The following EPB42 variants were observed in gnomAD, a reference collection of about 807,000 sequenced individuals.
EPB42 encodes the protein erythrocyte membrane protein band 4.2, also known as protein 4.2.
A neutral mutation model predicts 76.9 loss-of-function variants in EPB42; 49 were observed. The observed-to-expected ratio is 0.64, with a 90% CI of 0.51 to 0.81. EPB42 has a LOEUF of 0.81. Ranked by LOEUF, EPB42 falls within the 30% of genes least tolerant of loss-of-function variation. The pLI, the probability that EPB42 is intolerant of heterozygous loss-of-function variation, is 0.00. For missense variants in EPB42, 731 were observed against 867.6 expected (o/e 0.84, Z 1.98); for synonymous variants, 310 against 338.4 (o/e 0.92, Z 0.92).
Position 43,208,787 on chromosome 15 carries a change from G to C in EPB42, c.833-12C>G, listed in dbSNP as rs749595841. 1.2e-6 allele frequency: 2 copies of C among 1,613,462 alleles called. No homozygotes were observed. The highest frequency in any genetic ancestry group is 1.1e-5 in the South Asian group (1 of 91,054). ...CAGGCATCGCAGCACTGTGAGAAGA[G>C]GGGCGGAGTGTCAGGGGGCGCTTGA... On this transcript the variant is annotated splice_polypyrimidine_tract_variant and intron_variant, in intron 6 of 12. Coordinates refer to ENST00000441366, the MANE Select transcript of EPB42 (RefSeq NM_001114134.2).
At chr15:43,214,893 C>G (rs1399475569) in intron 3 of EPB42, among the ~76,000 whole-genome samples, 1 of 152,192 alleles carries the variant, frequency 6.6e-6, no homozygotes, top group African/African-American at 2.4e-5. Context: ...CCTGCTTCTC[C>G]CAGGGGTGAC....
At position 43,208,235 on chromosome 15, in the gene EPB42, C is replaced by A. The variant is rs754039098; in HGVS notation, c.1070G>T (p.Gly357Val). ...GACCCACCCCTAGGCTTTACCTCCACCTCCATTAGGAGCACTTGGGTGCAG... is the reference window on the plus strand; with the variant it reads ...GACCCACCCCTAGGCTTTACCTCCAACTCCATTAGGAGCACTTGGGTGCAG... ...QILHPSAPNG[G>V]GVLGSCDLVP... Residue 357 changes from glycine to valine, a missense_variant, in exon 8 of 13, where the codon GGT becomes GTT. Transcript: ENST00000441366. The A allele has an allele frequency of 1.2e-6, 2 of 1,613,986 alleles. No individual in the cohort carries two copies. The highest frequency in any genetic ancestry group is 4.5e-5 in the East Asian group (2 of 44,882).
chr15:43,208,736 G>A lies in EPB42; in HGVS notation c.872C>T (p.Thr291Met), dbSNP rs753777245. Residue 291 changes from threonine to methionine, a missense_variant, in exon 7 of 13, where the codon ACG becomes ATG. Transcript: ENST00000441366. ...CLGIPARVVT[T>M]FASAQGTGGR... ...ACCGGTGCCCTGTGCTGAGGCAAAC[G>A]TGGTCACCACGCGGGCAGGGATTCC... 1.6e-5 allele frequency: 26 copies of A among 1,614,044 alleles called. No individual in the cohort carries two copies. The highest frequency in any genetic ancestry group is 3.3e-5 in the South Asian group (3 of 91,080).
rs772330879 is a variant in EPB42 at position 43,209,274 on chromosome 15, C to G, written c.832G>C (p.Val278Leu). ...AWVLAAVACTVLRCLGIPARV... is the reference protein window; with the variant it reads ...AWVLAAVACTLLRCLGIPARV... ...CTCTACAGGAGACAAGGGGACCAAC[C>G]TGTGCAAGCAACAGCAGCCAACACC... The change falls in exon 6 of 13, where the codon GTG becomes CTG. Residue 278 changes from valine (V) to leucine (L), a missense_variant and splice_region_variant. Val to Leu is a conservative substitution (Grantham distance 32). Transcript: ENST00000441366. The G allele has an allele frequency of 3.7e-6, 6 of 1,613,976 alleles. No homozygotes were observed. Among genetic ancestry groups the G allele is most frequent in the Non-Finnish European group, 5.1e-6 (6 of 1,180,018 alleles).
chr15:43,225,667 T>C (rs2042501704), upstream of EPB42, among the ~76,000 whole-genome samples: 1 of 152,118 alleles, frequency 6.6e-6, no homozygotes, highest in Non-Finnish European at 1.5e-5. Flanking sequence ...CAATACTAAG[T>C]GCGTACACCA....
intron 3 of EPB42, among the ~76,000 whole-genome samples, chr15:43,214,570 G>A (rs2042348414): frequency 6.6e-6 from 1 of 152,198 alleles, no homozygotes; most frequent in South Asian, 2.1e-4. Flanking sequence ...GCCCTGGTCG[G>A]CCGGGGAGCC....
chr15:43,204,320 G>A (rs112164945), intron 10 of EPB42, among the ~76,000 whole-genome samples: 2,049 of 151,688 alleles, frequency 0.014, 38 homozygotes, highest in African/African-American at 0.047. Flanking sequence ...TCCTCTGATC[G>A]CCCCCTAAAT....
At chr15:43,221,829 A>AG (rs1459528159), upstream of EPB42, among the ~76,000 whole-genome samples, 1 of 149,016 alleles carries the variant, frequency 6.7e-6, no homozygotes, top group African/African-American at 2.4e-5. Flanking sequence ...TGTAAAAAAA[A>AG]AAAAAAAAAA....
Position 43,216,462 on chromosome 15 carries a change from G to C in EPB42, c.11-9C>G. 6.2e-7 allele frequency: 1 copy of C among 1,613,934 alleles called. No individual in the cohort carries two copies. Among genetic ancestry groups the C allele is most frequent in the Non-Finnish European group, 8.5e-7 (1 of 1,180,004 alleles). On this transcript the variant is annotated splice_polypyrimidine_tract_variant and intron_variant, in intron 1 of 12. Transcript: ENST00000441366. ...GCTCTTGATACCCAGGGCTGTTGTG[G>C]GAAAGAGAGAAGTCACGGAAACTAA...
rs1047655346 is a variant in EPB42 at position 43,211,631 on chromosome 15, G to A, written c.431-97C>T. Reference sequence around the variant, plus strand: ...CTCCCTGCCGAGATTAGGTTTGGCTGCAGGCCACCCCGTCAGCTCTGGGCC... The same window carrying A: ...CTCCCTGCCGAGATTAGGTTTGGCTACAGGCCACCCCGTCAGCTCTGGGCC... On this transcript the variant is annotated intron_variant, in intron 3 of 12. Transcript: ENST00000441366. 20 of 851,982 alleles carry A rather than the reference G, an allele frequency of 2.3e-5. No individual in the cohort carries two copies. The South Asian group carries it at 2.4e-4, about 10-fold the overall frequency. The allele number at this position is 851,982 out of a possible 1,614,324, so 52.8% of individuals were successfully genotyped here.
chr15:43,211,721 G>A (rs1243065277), intron 3 of EPB42, among the ~76,000 whole-genome samples, 187 bp from the exon 4 acceptor site: 1 of 152,174 alleles, frequency 6.6e-6, no homozygotes, highest in Non-Finnish European at 1.5e-5. Context: ...CAGAGTCCCT[G>A]GGTCAATCAG....
chr15:43,212,554 G>T (rs1167935442), intron 3 of EPB42, among the ~76,000 whole-genome samples: 3 of 152,164 alleles, frequency 2.0e-5, no homozygotes, highest in African/African-American at 7.2e-5. Flanking sequence ...ATTAAGCATA[G>T]GCTGACGGAT....
chr15:43,211,928 TGTG>T (rs1402320447), intron 3 of EPB42, among the ~76,000 whole-genome samples: 1 of 149,690 alleles, frequency 6.7e-6, no homozygotes, highest in Non-Finnish European at 1.5e-5. Flanking sequence ...AACAGCCAGG[TGTG>T]GTGGTACGCA....
chr15:43,197,626 CAGG>C (rs765000391), intron 12 of EPB42, among the ~76,000 whole-genome samples, 162 bp from the exon 13 acceptor site: 1 of 152,224 alleles, frequency 6.6e-6, no homozygotes, highest in Non-Finnish European at 1.5e-5. Flanking sequence ...GAATAGAAGA[CAGG>C]AGCCACCCAA....
intron 10 of EPB42, among the ~76,000 whole-genome samples, chr15:43,204,590 C>G (rs1042526361): frequency 2.0e-5 from 3 of 152,170 alleles, no homozygotes; most frequent in Non-Finnish European, 4.4e-5. Context: ...TTGCTCCTCC[C>G]CATTTTTCCT....
intron 7 of EPB42, 70 bp from the exon 8 acceptor site, chr15:43,208,403 C>G (rs1036788178): frequency 1.2e-4 from 190 of 1,525,624 alleles, no homozygotes; most frequent in Non-Finnish European, 1.6e-4. Context: ...GGAAATGCAG[C>G]CTGGCAGAGC....
chr15:43,220,689 T>G, intron 1 of EPB42, 127 bp downstream of exon 1: 3 of 319,858 alleles, frequency 9.4e-6, no homozygotes, highest in Non-Finnish European at 1.5e-5. Context: ...CAGTACCCCC[T>G]CCCCCACCAT....
intron 3 of EPB42, among the ~76,000 whole-genome samples, chr15:43,214,842 T>C (rs2042353706): frequency 6.6e-6 from 1 of 152,210 alleles, no homozygotes; most frequent in African/African-American, 2.4e-5. Flanking sequence ...CACCAGGGTC[T>C]GGTGGTGAGA....
chr15:43,219,779 T>C (rs916599914), intron 1 of EPB42, among the ~76,000 whole-genome samples: 3 of 152,052 alleles, frequency 2.0e-5, no homozygotes, highest in African/African-American at 7.2e-5. Context: ...ACTCCGTCTC[T>C]ACTAAAAATA....
Sources: allele counts gnomAD v4.1 joint callset (sites outside exome capture counted in the v4.1 genomes callset), GRCh38; gene constraint gnomAD v4.1.1; transcripts MANE v1.5; gene names NCBI Gene and HGNC (gene_info 2026-07-23, HGNC 2026-07-21).